Variants in DPP10 observed in about 807,000 individuals in gnomAD.
The protein encoded by DPP10 is inactive dipeptidyl peptidase 10.
In DPP10, 33 loss-of-function variants were observed where a neutral mutation model predicts 120.9. The ratio of observed to expected loss-of-function variants is 0.27; its 90% CI spans 0.21 to 0.37. The LOEUF (loss-of-function observed/expected upper bound fraction) is 0.37. Among genes scored for constraint, DPP10 ranks in the 10% least tolerant of loss-of-function variants. DPP10 has a pLI of 1.00. For missense variants in DPP10, 816 were observed against 942.8 expected, an observed-to-expected ratio of 0.87 and a Z score of 1.76; for synonymous variants, 337 against 326.1, an observed-to-expected ratio of 1.03 and a Z score of -0.36.
At chr2:114,479,411 GA>G (rs57691260) in intron 1 of DPP10, among the ~76,000 whole-genome samples, 202 of 150,080 alleles carry the variant, frequency 1.3e-3, no homozygotes, top group African/African-American at 4.4e-3. Flanking sequence ...ATGAAAAAAT[GA>G]AAAAAAAACA....
At chr2:115,389,242 G>A (rs1355803803) in intron 3 of DPP10, among the ~76,000 whole-genome samples, 1 of 148,570 alleles carries the variant, frequency 6.7e-6, no homozygotes, top group Non-Finnish European at 1.5e-5. Flanking sequence ...CTGCAGTTAG[G>A]TGCTTTTATG....
chr2:114,464,995 G>A (rs1679235127), intron 1 of DPP10, among the ~76,000 whole-genome samples: 1 of 152,212 alleles, frequency 6.6e-6, no homozygotes, highest in Admixed American at 6.5e-5. Flanking sequence ...GTGTCTGTCA[G>A]AGTTGTCACA....
At chr2:114,461,818 C>T (rs1227446410) in intron 1 of DPP10, 2 of 985,166 alleles carry the variant, frequency 2.0e-6, no homozygotes, top group Non-Finnish European at 2.4e-6. Flanking sequence ...TGGTACATAC[C>T]AAATATGATA....
At chr2:115,717,894 C>G (rs892949399) in intron 7 of DPP10, among the ~76,000 whole-genome samples, 17 of 152,034 alleles carry the variant, frequency 1.1e-4, no homozygotes, top group African/African-American at 4.1e-4. Context: ...GATATTTTAT[C>G]TGGATTTTGT....
At chr2:114,986,540 ATCATGATT>A (rs780580321) in intron 1 of DPP10, among the ~76,000 whole-genome samples, 52 of 152,270 alleles carry the variant, frequency 3.4e-4, no homozygotes, top group Non-Finnish European at 6.2e-4. Flanking sequence ...CAAGAGGGTG[ATCATGATT>A]TTAACTGCCA....
intron 1 of DPP10, among the ~76,000 whole-genome samples, chr2:115,188,138 T>G (rs1302983210): frequency 1.1e-4 from 16 of 152,188 alleles, no homozygotes; most frequent in Admixed American, 6.5e-4. Context: ...TCAAGAATTT[T>G]GCTGATCAAG....
At chr2:115,215,598 T>G (rs2105376756) in intron 1 of DPP10, among the ~76,000 whole-genome samples, 1 of 143,460 alleles carries the variant, frequency 7.0e-6, no homozygotes, top group South Asian at 2.3e-4. Flanking sequence ...GAAAACAGTA[T>G]GGAGAAAAAT....
chr2:114,830,307 T>G (rs1686981563), intron 1 of DPP10, among the ~76,000 whole-genome samples: 2 of 152,184 alleles, frequency 1.3e-5, no homozygotes, highest in South Asian at 4.1e-4. Flanking sequence ...TCAGTCAACC[T>G]GCTTTGCTTT....
chr2:115,078,838 A>C (rs1385049856), intron 1 of DPP10, among the ~76,000 whole-genome samples: 1 of 152,190 alleles, frequency 6.6e-6, no homozygotes, highest in Non-Finnish European at 1.5e-5. Flanking sequence ...TTATCAGTTA[A>C]ATTGCTCAAA....
intron 5 of DPP10, among the ~76,000 whole-genome samples, chr2:115,661,966 C>T (rs1205367164): frequency 6.6e-6 from 1 of 152,138 alleles, no homozygotes; most frequent in Non-Finnish European, 1.5e-5. Flanking sequence ...GTCTCTAGAA[C>T]TTACCCATCT....
At chr2:114,749,680 A>G (rs565304845) in intron 1 of DPP10, among the ~76,000 whole-genome samples, 3 of 151,318 alleles carry the variant, frequency 2.0e-5, no homozygotes, top group Non-Finnish European at 2.9e-5. Context: ...TCTGCCTCCT[A>G]TCCTCTTGCC....
chr2:115,752,980 T>C (rs970301248), intron 10 of DPP10, among the ~76,000 whole-genome samples, 194 bp from the exon 11 acceptor site: 6 of 152,194 alleles, frequency 3.9e-5, no homozygotes, highest in Non-Finnish European at 7.4e-5. Flanking sequence ...CATACACATA[T>C]ATTTGTATTT....
intron 1 of DPP10, among the ~76,000 whole-genome samples, chr2:115,000,883 T>C (rs1701393901): frequency 6.8e-6 from 1 of 148,034 alleles, no homozygotes; most frequent in South Asian, 2.3e-4. Context: ...TCCTAACGAG[T>C]GAAATCATTG....
chr2:115,060,346 AAT>A (rs1411942804), intron 1 of DPP10, among the ~76,000 whole-genome samples: 9 of 152,216 alleles, frequency 5.9e-5, no homozygotes. Flanking sequence ...TAATTCTAGC[AAT>A]TTGGGCGGCC....
intron 1 of DPP10, among the ~76,000 whole-genome samples, chr2:114,809,272 A>G (rs1684989538): frequency 6.6e-6 from 1 of 152,172 alleles, no homozygotes; most frequent in African/African-American, 2.4e-5. Flanking sequence ...AGAAAGAACT[A>G]TGTTTACTCC....
At chr2:115,721,026 C>T (rs571832807) in intron 7 of DPP10, among the ~76,000 whole-genome samples, 2 of 152,076 alleles carry the variant, frequency 1.3e-5, no homozygotes, top group Non-Finnish European at 2.9e-5. Flanking sequence ...GATATGCAAC[C>T]AGTGCTAAAA....
intron 1 of DPP10, among the ~76,000 whole-genome samples, chr2:114,747,638 A>G (rs1678701813): frequency 1.3e-5 from 2 of 152,208 alleles, no homozygotes; most frequent in South Asian, 4.1e-4. Flanking sequence ...ACTTTTCAGA[A>G]AAATATGAAA....
At chr2:114,508,495 A>T (rs1470940599) in intron 1 of DPP10, among the ~76,000 whole-genome samples, 2 of 152,112 alleles carry the variant, frequency 1.3e-5, no homozygotes, top group African/African-American at 4.8e-5. Flanking sequence ...TCACTAGCTG[A>T]TAGACATTTG....
At position 115,662,270 on chromosome 2, in the gene DPP10, G is replaced by A. The variant is rs79945952; in HGVS notation, c.442-27417G>A. Among the ~76,000 whole-genome samples, 920 of 152,180 alleles carry A rather than the reference G, an allele frequency of 6.0e-3. 49 individuals are homozygous for A. In the East Asian group the frequency reaches 0.15, roughly 25 times the overall value. ...TTCTTTATCCATCCATCCACTGCAA[G>A]ACATTTTAGTTGTTTCCATATTGTG... On this transcript the variant is annotated intron_variant, in intron 5 of 25. Transcript: ENST00000410059.
Sources: gnomAD v4.1 joint callset for allele counts (sites outside exome capture counted in the v4.1 genomes callset) on GRCh38, gnomAD v4.1.1 for gene constraint, MANE v1.5 for transcripts, NCBI Gene and HGNC (gene_info 2026-07-23, HGNC 2026-07-21) for gene names.